ATG4A: variants seen among roughly 807,000 people sequenced by gnomAD.
The protein encoded by ATG4A is cysteine protease ATG4A.
Under a neutral mutation model 38.4 loss-of-function variants are expected in ATG4A, and 22 were observed. The observed-to-expected ratio is 0.57, with a 90% CI of 0.41 to 0.82. The LOEUF (loss-of-function observed/expected upper bound fraction) is 0.82. Ranked by LOEUF, ATG4A falls within the 40% of genes least tolerant of loss-of-function variation. The pLI is 0.00. For missense variants in ATG4A, 220 were observed against 290.0 expected, an observed-to-expected ratio of 0.76 and a Z score of 1.75; for synonymous variants, 86 against 100.7, an observed-to-expected ratio of 0.85 and a Z score of 0.88.
chrX:108,140,595 AC>A (rs1400833786), intron 9 of ATG4A, among the ~76,000 whole-genome samples: 1 of 104,955 alleles, frequency 9.5e-6, no homozygotes, highest in Non-Finnish European at 1.9e-5. Context: ...ACATATATAT[AC>A]ATTATATATA....
intron 9 of ATG4A, among the ~76,000 whole-genome samples, chrX:108,144,689 A>G (rs1226046825): frequency 8.9e-6 from 1 of 112,320 alleles, no homozygotes; most frequent in Non-Finnish European, 1.9e-5. Context: ...GTGAGTACTC[A>G]CATGGCATAC....
chrX:108,142,193 G>A (rs1053576647), intron 9 of ATG4A, among the ~76,000 whole-genome samples: 3 of 111,392 alleles, frequency 2.7e-5, no homozygotes, highest in African/African-American at 9.8e-5. Context: ...GATCGCCTGA[G>A]CTCAGGAGTT....
At chrX:108,100,127 T>C (rs1473017903) in intron 1 of ATG4A, among the ~76,000 whole-genome samples, 4 of 111,705 alleles carry the variant, frequency 3.6e-5, no homozygotes, top group Non-Finnish European at 7.6e-5. Flanking sequence ...TTCTTTTATT[T>C]ATTTTATCAG....
At position 108,137,077 on chromosome X, in the gene ATG4A, A is replaced by G; in HGVS notation, c.468-14A>G. ...TCTTCCCAAATTGTGACTTCATTAT[A>G]CATTGCTTTGCAGAAAACTTGCTTT... On this transcript the variant is annotated splice_polypyrimidine_tract_variant and intron_variant, in intron 6 of 12. Coordinates refer to ENST00000372232, the MANE Select transcript of ATG4A (RefSeq NM_052936.5). 8.4e-7 allele frequency: 1 copy of G among 1,194,549 alleles called. No individual in the cohort carries two copies. The highest frequency in any genetic ancestry group is 1.1e-6 in the Non-Finnish European group (1 of 882,428).
At chrX:108,103,561 C>A (rs2032083414) in intron 1 of ATG4A, among the ~76,000 whole-genome samples, 1 of 111,289 alleles carries the variant, frequency 9.0e-6, no homozygotes, top group Admixed American at 9.5e-5. Context: ...CCTTCCTTTT[C>A]TTTCTTTCTC....
intron 1 of ATG4A, among the ~76,000 whole-genome samples, chrX:108,125,349 A>T: frequency 9.0e-6 from 1 of 110,661 alleles, no homozygotes; most frequent in Middle Eastern, 4.7e-3. Context: ...AGAAAGGCCA[A>T]ATTTCAGAAG....
chrX:108,134,913 C>T (rs921940632), intron 6 of ATG4A, among the ~76,000 whole-genome samples: 5 of 112,105 alleles, frequency 4.5e-5, no homozygotes, highest in African/African-American at 1.6e-4. Context: ...TCAAGGAACT[C>T]ACCACCTGTT....
chrX:108,094,545 G>A (rs1016019125), intron 1 of ATG4A, among the ~76,000 whole-genome samples: 4 of 111,018 alleles, frequency 3.6e-5, no homozygotes, highest in African/African-American at 1.3e-4. Context: ...TTGTTTTGGT[G>A]ACCTTGATAG....
chrX:108,104,777 A>T (rs950317320), intron 1 of ATG4A, among the ~76,000 whole-genome samples: 4 of 111,281 alleles, frequency 3.6e-5, no homozygotes, highest in Non-Finnish European at 5.7e-5. Context: ...CCCATAATGC[A>T]TATATTTGTT....
rs202028683 is a variant in ATG4A, at chrX:108,153,629, C to T, written c.1127-13C>T. On this transcript the variant is annotated splice_polypyrimidine_tract_variant and intron_variant, in intron 12 of 12. Coordinates refer to ENST00000372232, the MANE Select transcript of ATG4A (RefSeq NM_052936.5). ...TCAAGCTTTTCTTCTTTCTCATTTC[C>T]GTATTCTGATAGAATTCATTGACTC... is the stretch of plus-strand genomic sequence containing the variant. 16 of 1,187,643 alleles carry T rather than the reference C, an allele frequency of 1.3e-5. No individual in the cohort carries two copies. In the East Asian group the frequency reaches 1.8e-4, roughly 13 times the overall value.
chrX:108,146,693 A>G (rs1462066317), intron 9 of ATG4A, among the ~76,000 whole-genome samples: 1 of 111,530 alleles, frequency 9.0e-6, no homozygotes, highest in Non-Finnish European at 1.9e-5. Context: ...GCTGGGATGA[A>G]TAGGTCTGAA....
At chrX:108,131,506 T>C (rs981728167) in intron 4 of ATG4A, 148 bp downstream of exon 4, 21 of 494,641 alleles carry the variant, frequency 4.2e-5, no homozygotes, top group Admixed American at 8.0e-5. Flanking sequence ...GTGGTGGGGC[T>C]GACAAGTCAA....
intron 6 of ATG4A, among the ~76,000 whole-genome samples, chrX:108,136,313 C>T (rs2033105265): frequency 9.0e-6 from 1 of 111,252 alleles, no homozygotes; most frequent in Non-Finnish European, 1.9e-5. Context: ...ACATCCCAGA[C>T]GTAGCCGGGT....
At chrX:108,098,061 A>G (rs1215004645) in intron 1 of ATG4A, among the ~76,000 whole-genome samples, 1 of 111,711 alleles carries the variant, frequency 9.0e-6, no homozygotes, top group Non-Finnish European at 1.9e-5. Flanking sequence ...TGCTGCACCC[A>G]TCAACTCGTC....
At chrX:108,110,085 T>A (rs1211678713) in intron 1 of ATG4A, among the ~76,000 whole-genome samples, 2 of 108,782 alleles carry the variant, frequency 1.8e-5, no homozygotes, top group African/African-American at 6.7e-5. Context: ...TGTGTAGTGA[T>A]CTGAGACCAG....
intron 1 of ATG4A, among the ~76,000 whole-genome samples, chrX:108,096,573 A>G (rs1258073279): frequency 1.8e-5 from 2 of 112,431 alleles, no homozygotes; most frequent in African/African-American, 6.5e-5. Context: ...TTGGTAGAAA[A>G]GCTGGAAAAA....
chrX:108,146,743 T>C (rs969476634), intron 9 of ATG4A, among the ~76,000 whole-genome samples: 1 of 111,876 alleles, frequency 8.9e-6, no homozygotes, highest in African/African-American at 3.3e-5. Flanking sequence ...CCCTAAGCCT[T>C]TGGATCCCTT....
intron 1 of ATG4A, among the ~76,000 whole-genome samples, chrX:108,102,755 A>G (rs1049611492): frequency 2.7e-5 from 3 of 109,353 alleles, no homozygotes; most frequent in Non-Finnish European, 5.7e-5. Flanking sequence ...ATTTTTTTGC[A>G]TGTGGGTATA....
At chrX:108,093,569 T>G (rs2031707856) in intron 1 of ATG4A, among the ~76,000 whole-genome samples, 1 of 112,000 alleles carries the variant, frequency 8.9e-6, no homozygotes, top group Non-Finnish European at 1.9e-5. Context: ...TTCATTTCTC[T>G]TTGATAGATA....
Sources: allele counts gnomAD v4.1 joint callset (sites outside exome capture counted in the v4.1 genomes callset), GRCh38; gene constraint gnomAD v4.1.1; transcripts MANE v1.5; gene names NCBI Gene and HGNC (gene_info 2026-07-23, HGNC 2026-07-21).